ESRRG: variants seen among roughly 807,000 people sequenced by gnomAD.
The protein encoded by ESRRG is estrogen-related receptor gamma.
Under a neutral mutation model 44.0 loss-of-function variants are expected in ESRRG, and 13 were observed. The observed-to-expected ratio is 0.30, with a 90% CI of 0.19 to 0.47. ESRRG has a LOEUF of 0.47. Among genes scored for constraint, ESRRG ranks in the 20% least tolerant of loss-of-function variants. The pLI is 1.00. For missense variants in ESRRG, 395 were observed against 580.6 expected, an observed-to-expected ratio of 0.68 and a Z score of 3.29; for synonymous variants, 215 against 214.6, an observed-to-expected ratio of 1.00 and a Z score of -0.02.
At chr1:216,976,292 G>A (rs201804892) in intron 1 of ESRRG, among the ~76,000 whole-genome samples, 1 of 68,242 alleles carries the variant, frequency 1.5e-5, no homozygotes, top group Non-Finnish European at 2.5e-5. Flanking sequence ...CTAAATGTGT[G>A]TGTGTGTGTG....
At position 216,912,182 on chromosome 1, in the gene ESRRG, A is replaced by AGAG. The variant is rs1560083161; in HGVS notation, c.-14+27399_-14+27400insCTC. On this transcript the variant is annotated intron_variant, in intron 2 of 7. Transcript: ENST00000359162. ...AAAGAAAAGAAAAGAAAAGAAAAGA[A>AGAG]AAGGAGAGGAGAGGAGAGGAGAGGA... 1.2e-3 allele frequency among the ~76,000 whole-genome samples: 19 copies of AGAG among 16,094 alleles called. 1 individual carries two copies. Among genetic ancestry groups the AGAG allele is most frequent in the East Asian group, 3.6e-3 (1 of 280 alleles). The allele number at this position is 16,094 out of a possible 152,430, so 10.6% of individuals were successfully genotyped here.
chr1:216,795,845 G>A (rs991562881), intron 2 of ESRRG, among the ~76,000 whole-genome samples: 3 of 152,056 alleles, frequency 2.0e-5, no homozygotes, highest in Non-Finnish European at 2.9e-5. Flanking sequence ...AGGTGAACCC[G>A]AACCATGGTA....
intron 2 of ESRRG, among the ~76,000 whole-genome samples, chr1:216,835,358 G>A (rs2095548100): frequency 6.6e-6 from 1 of 152,142 alleles, no homozygotes; most frequent in Admixed American, 6.5e-5. Flanking sequence ...TCGGAAGTGA[G>A]GTACAGAAAC....
chr1:216,564,233 G>C lies in ESRRG; in HGVS notation c.848C>G (p.Ala283Gly). 6.6e-7 allele frequency: 1 copy of C among 1,508,214 alleles called. No individual in the cohort carries two copies. Among genetic ancestry groups the C allele is most frequent in the Non-Finnish European group, 8.9e-7 (1 of 1,127,134 alleles). The allele number at this position is 1,508,214 out of a possible 1,614,324, so 93.4% of individuals were successfully genotyped here. ...DRELVVIIGW[A>G]KHIPGFSTLS... ...AGAAAATGTACCTGGAATATGCTTC[G>C]CCCATCCAATGATAACCACCAACTC... is the stretch of plus-strand genomic sequence containing the variant. The change falls in exon 5 of 7, where the codon GCG becomes GGG. Residue 283 changes from alanine to glycine, a missense_variant. Coordinates refer to ENST00000408911, the MANE Select transcript of ESRRG (RefSeq NM_001438.4).
intron 2 of ESRRG, among the ~76,000 whole-genome samples, chr1:216,901,598 T>C (rs1203650828): frequency 1.3e-5 from 2 of 152,002 alleles, no homozygotes; most frequent in Admixed American, 6.5e-5. Context: ...CTCAAACTCC[T>C]GGGCTCAAGT....
intron 1 of ESRRG, among the ~76,000 whole-genome samples, chr1:217,137,013 G>A (rs1285575547): frequency 6.6e-6 from 1 of 152,160 alleles, no homozygotes; most frequent in African/African-American, 2.4e-5. Context: ...TCAGTGTCAG[G>A]CCTGCGAAAT....
chr1:216,947,799 C>T (rs2066296139), intron 1 of ESRRG, among the ~76,000 whole-genome samples: 1 of 152,288 alleles, frequency 6.6e-6, no homozygotes, highest in East Asian at 1.9e-4. Context: ...CTCCTTGACA[C>T]ACAGCTAACC....
chr1:216,896,069 CTTACA>C (rs2058378849), intron 2 of ESRRG, among the ~76,000 whole-genome samples: 1 of 152,180 alleles, frequency 6.6e-6, no homozygotes, highest in South Asian at 2.1e-4. Flanking sequence ...TGATTGATTT[CTTACA>C]TTACATCACG....
intron 1 of ESRRG, among the ~76,000 whole-genome samples, chr1:217,117,923 A>C (rs1216426938): frequency 1.3e-5 from 2 of 152,216 alleles, no homozygotes; most frequent in African/African-American, 4.8e-5. Flanking sequence ...CAAAAAGTTC[A>C]AAATTCTTTA....
At chr1:216,822,222 T>C (rs7528362) in intron 2 of ESRRG, among the ~76,000 whole-genome samples, 93,661 of 151,956 alleles carry the variant, frequency 0.62, 29,412 homozygotes, top group African/African-American at 0.67. Context: ...TGCAGCTCTG[T>C]CCAAGTAGCT....
intron 3 of ESRRG, among the ~76,000 whole-genome samples, chr1:216,594,643 T>C (rs74141616): frequency 0.022 from 3,326 of 152,306 alleles, 111 homozygotes; most frequent in African/African-American, 0.076. Flanking sequence ...TGAGTTTGAA[T>C]CACAGCTCTA....
chr1:216,872,619 T>A (rs1439963769), intron 2 of ESRRG, among the ~76,000 whole-genome samples: 1 of 152,216 alleles, frequency 6.6e-6, no homozygotes, highest in Non-Finnish European at 1.5e-5. Context: ...TATTGTGGGT[T>A]ATTGTATTCT....
chr1:216,505,755 T>A lies in ESRRG; in HGVS notation c.*1184A>T, dbSNP rs1182733595. 1 of 152,590 alleles carries A rather than the reference T, an allele frequency of 6.6e-6. No individual in the cohort carries two copies. The highest frequency in any genetic ancestry group is 1.9e-4 in the East Asian group (1 of 5,178). 9.5% of individuals were successfully genotyped at this position (152,590 alleles called of 1,614,324 possible). ...TAAACTGGAGCTCATGTTAAGAAAT[T>A]GATGTTTGGGACCAGACTGGCACAC... On this transcript the variant is annotated 3_prime_UTR_variant, in exon 7 of 7. Transcript: ENST00000408911.
intron 2 of ESRRG, among the ~76,000 whole-genome samples, chr1:216,654,519 C>T (rs941804832): frequency 2.0e-5 from 3 of 151,068 alleles, no homozygotes; most frequent in Non-Finnish European, 4.4e-5. Flanking sequence ...ATCCCAGCTG[C>T]GTGGGAGGCT....
chr1:217,073,425 G>A (rs1343635711), intron 1 of ESRRG, among the ~76,000 whole-genome samples: 1 of 152,054 alleles, frequency 6.6e-6, no homozygotes, highest in Non-Finnish European at 1.5e-5. Flanking sequence ...GGGGATCTCC[G>A]TGCTTGATGC....
At chr1:216,628,919 C>T (rs879867009) in intron 3 of ESRRG, among the ~76,000 whole-genome samples, 7 of 152,166 alleles carry the variant, frequency 4.6e-5, no homozygotes, top group Non-Finnish European at 8.8e-5. Context: ...CTCATTTCCT[C>T]GAAGGAGCAA....
intron 1 of ESRRG, among the ~76,000 whole-genome samples, chr1:217,047,785 G>A (rs2085158420): frequency 6.6e-6 from 1 of 152,100 alleles, no homozygotes; most frequent in African/African-American, 2.4e-5. Context: ...CAAAAGCCAG[G>A]CTTTGTACAA....
chr1:216,751,915 C>A (rs920861726), intron 2 of ESRRG, among the ~76,000 whole-genome samples: 17 of 152,212 alleles, frequency 1.1e-4, no homozygotes, highest in South Asian at 4.1e-4. Flanking sequence ...GATTAGAAGG[C>A]TACTTCATAA....
chr1:216,790,389 T>G (rs2094280800), intron 2 of ESRRG, among the ~76,000 whole-genome samples: 1 of 152,124 alleles, frequency 6.6e-6, no homozygotes, highest in Non-Finnish European at 1.5e-5. Flanking sequence ...TTTTTTAACC[T>G]AATGGAATAA....
Sources: gnomAD v4.1 joint callset for allele counts (sites outside exome capture counted in the v4.1 genomes callset) on GRCh38, gnomAD v4.1.1 for gene constraint, MANE v1.5 for transcripts, NCBI Gene and HGNC (gene_info 2026-07-23, HGNC 2026-07-21) for gene names.